Variants in CARMIL1 observed in about 807,000 individuals in gnomAD.
The protein encoded by CARMIL1 is capping protein regulator and myosin 1 linker 1.
A neutral mutation model predicts 177.1 loss-of-function variants in CARMIL1; 90 were observed. That is an observed-to-expected ratio of 0.51 (90% confidence interval 0.43 to 0.61). The LOEUF is 0.61. CARMIL1 is among the 20% of genes least tolerant of loss of function. The pLI is 0.00. For missense variants in CARMIL1, 1,380 were observed against 1,667.0 expected, an observed-to-expected ratio of 0.83 and a Z score of 3.00; for synonymous variants, 577 against 606.2, an observed-to-expected ratio of 0.95 and a Z score of 0.71.
intron 29 of CARMIL1, among the ~76,000 whole-genome samples, chr6:25,575,336 C>T (rs995253825): frequency 6.6e-6 from 1 of 152,150 alleles, no homozygotes; most frequent in African/African-American, 2.4e-5. Context: ...TTCGTGGGAA[C>T]ATTTTTTGCT....
At chr6:25,446,888 GGGA>G (rs2150827454) in intron 5 of CARMIL1, among the ~76,000 whole-genome samples, 1 of 152,270 alleles carries the variant, frequency 6.6e-6, no homozygotes, top group South Asian at 2.1e-4. Context: ...CTTGGTGAAA[GGGA>G]GAGACAGAGA....
At chr6:25,329,699 C>T (rs757260240) in intron 2 of CARMIL1, among the ~76,000 whole-genome samples, 1 of 152,130 alleles carries the variant, frequency 6.6e-6, no homozygotes, top group Non-Finnish European at 1.5e-5. Context: ...ATCAGTGATA[C>T]CTAAATGCAG....
chr6:25,298,998 C>T (rs111861453), intron 2 of CARMIL1, among the ~76,000 whole-genome samples: 18 of 151,868 alleles, frequency 1.2e-4, no homozygotes, highest in Admixed American at 2.6e-4. Flanking sequence ...GTGATCTGCC[C>T]GCCTCAGCCT....
At chr6:25,514,411 G>C (rs547239280) in intron 20 of CARMIL1, among the ~76,000 whole-genome samples, 3 of 152,128 alleles carry the variant, frequency 2.0e-5, no homozygotes, top group African/African-American at 7.2e-5. Context: ...GCCAGGCATG[G>C]TGGTGGGCGC....
chr6:25,575,582 A>C (rs889087462), intron 29 of CARMIL1, among the ~76,000 whole-genome samples: 2 of 152,176 alleles, frequency 1.3e-5, no homozygotes, highest in African/African-American at 2.4e-5. Flanking sequence ...ACAGGGCAGG[A>C]GTCTTTGTTT....
chr6:25,600,251 T>A, intron 32 of CARMIL1, 63 bp from the exon 33 acceptor site: 2 of 1,436,780 alleles, frequency 1.4e-6, no homozygotes, highest in Non-Finnish European at 1.9e-6. Context: ...ATATTTTGAC[T>A]GATTCTTGCT....
Position 25,371,461 on chromosome 6 carries a change from G to A in CARMIL1, c.139-48653G>A, listed in dbSNP as rs545935722. Among the ~76,000 whole-genome samples, 31 of 152,304 alleles carry A rather than the reference G, an allele frequency of 2.0e-4. No individual in the cohort carries two copies. In the South Asian group the frequency reaches 4.4e-3, roughly 21 times the overall value. On this transcript the variant is annotated intron_variant, in intron 2 of 36. Coordinates refer to ENST00000329474, the MANE Select transcript of CARMIL1 (RefSeq NM_017640.6). ...TTTAGTAATGGCCATTCTGGCTGGG[G>A]TAAGGTGGTATCTTGTTGTGGTTTT...
At chr6:25,305,550 A>C (rs1379272108) in intron 2 of CARMIL1, among the ~76,000 whole-genome samples, 2 of 152,216 alleles carry the variant, frequency 1.3e-5, no homozygotes, top group African/African-American at 4.8e-5. Flanking sequence ...TTGAGGAGGC[A>C]GTTAATTCAC....
chr6:25,492,760 T>C (rs563981127), intron 15 of CARMIL1, among the ~76,000 whole-genome samples: 1 of 152,322 alleles, frequency 6.6e-6, no homozygotes, highest in African/African-American at 2.4e-5. Flanking sequence ...AAAGGCCTTA[T>C]ATATTTAAAA....
intron 1 of CARMIL1, 71 bp from the exon 2 acceptor site, chr6:25,284,741 A>G: frequency 1.2e-6 from 1 of 828,648 alleles, no homozygotes; most frequent in South Asian, 1.6e-5. Context: ...AACCAAATAT[A>G]CTCCTCCAAA....
At chr6:25,337,797 T>A (rs1365173812) in intron 2 of CARMIL1, among the ~76,000 whole-genome samples, 1 of 152,162 alleles carries the variant, frequency 6.6e-6, no homozygotes, top group Non-Finnish European at 1.5e-5. Context: ...AGAGTGGACG[T>A]GATATAGTGA....
At chr6:25,353,665 A>G (rs1172082094) in intron 2 of CARMIL1, among the ~76,000 whole-genome samples, 6 of 152,050 alleles carry the variant, frequency 3.9e-5, no homozygotes, top group African/African-American at 1.4e-4. Context: ...GATTTTCCAA[A>G]TTTTATTGTT....
At chr6:25,587,450 A>G (rs951002125) in intron 31 of CARMIL1, among the ~76,000 whole-genome samples, 3 of 152,168 alleles carry the variant, frequency 2.0e-5, no homozygotes, top group Non-Finnish European at 4.4e-5. Context: ...ACTTGTTTCT[A>G]AATACCAGCA....
intron 33 of CARMIL1, among the ~76,000 whole-genome samples, chr6:25,604,350 G>C (rs1433558884): frequency 6.6e-6 from 1 of 152,248 alleles, no homozygotes; most frequent in East Asian, 1.9e-4. Flanking sequence ...AAAGTGCTGA[G>C]ATAGATTACA....
Position 25,330,668 on chromosome 6 carries a change from A to AC in CARMIL1, c.138+45766dup, listed in dbSNP as rs1179959502. On this transcript the variant is annotated intron_variant, in intron 2 of 36. Transcript: ENST00000329474. ...CAGCCTGGGCAACATAGTGAGACGCACCCCCCCGCCCATCTCTATTAAAAA... is the reference window on the plus strand; with the variant it reads ...CAGCCTGGGCAACATAGTGAGACGCACCCCCCCCGCCCATCTCTATTAAAAA... Among the ~76,000 whole-genome samples, 347 of 137,594 alleles carry AC rather than the reference A, an allele frequency of 2.5e-3. 2 individuals are homozygous for AC. The highest frequency in any genetic ancestry group is 3.3e-3 in the East Asian group (15 of 4,568). 90.3% of individuals were successfully genotyped at this position (137,594 alleles called of 152,430 possible).
intron 9 of CARMIL1, among the ~76,000 whole-genome samples, chr6:25,468,744 A>G (rs926074141): frequency 6.6e-6 from 1 of 152,222 alleles, no homozygotes; most frequent in Non-Finnish European, 1.5e-5. Context: ...TTAATCATGA[A>G]TGATTTGTTA....
At chr6:25,312,073 G>T (rs1163399926) in intron 2 of CARMIL1, among the ~76,000 whole-genome samples, 1 of 152,212 alleles carries the variant, frequency 6.6e-6, no homozygotes, top group Non-Finnish European at 1.5e-5. Context: ...CTAGTTATTG[G>T]TGATTATATA....
At chr6:25,392,639 T>C (rs954725386) in intron 2 of CARMIL1, among the ~76,000 whole-genome samples, 3 of 152,192 alleles carry the variant, frequency 2.0e-5, no homozygotes, top group Non-Finnish European at 4.4e-5. Context: ...GCCTTTCATG[T>C]GAATGGATGT....
In CARMIL1 at chr6:25,515,927, C is replaced by T. The variant is rs2151064647; in HGVS notation, c.1805+80C>T. The stretch of plus-strand genomic sequence containing the variant: ...CAGCAAGCATTGCAGAGCTGCTGGG[C>T]CCGAGGGGACCTGGGCTTCCCATGA... On this transcript the variant is annotated intron_variant, in intron 21 of 36. Transcript: ENST00000329474. This position sits in a 1 kb window ranked among gnomAD's most constrained non-coding sequence, Gnocchi z 5.0. 1 of 1,412,178 alleles carries T rather than the reference C, an allele frequency of 7.1e-7. No homozygotes were observed. Among genetic ancestry groups the T allele is most frequent in the South Asian group, 1.5e-5 (1 of 67,224 alleles). 87.5% of individuals were successfully genotyped at this position (1,412,178 alleles called of 1,614,324 possible). A position where few individuals can be genotyped will look rare whatever the true frequency, so the allele number is the denominator to read the frequency against.
Sources: gnomAD v4.1 joint callset for allele counts (sites outside exome capture counted in the v4.1 genomes callset) on GRCh38, gnomAD v4.1.1 for gene constraint, Gnocchi (gnomAD v3.1) non-coding constraint, MANE v1.5 for transcripts, NCBI Gene and HGNC (gene_info 2026-07-23, HGNC 2026-07-21) for gene names.